PLEKHA1: variants seen among roughly 807,000 people sequenced by gnomAD.
The protein encoded by PLEKHA1 is pleckstrin homology domain containing A1.
In PLEKHA1, 34 loss-of-function variants were observed where a neutral mutation model predicts 52.0. That is an observed-to-expected ratio of 0.65 (90% CI 0.50 to 0.87). The LOEUF (loss-of-function observed/expected upper bound fraction) is 0.87, where lower values mean the gene tolerates loss of function less well. PLEKHA1 is among the 40% of genes least tolerant of loss of function. The pLI is 0.00. For missense variants in PLEKHA1, 497 were observed against 504.2 expected, an observed-to-expected ratio of 0.99 and a Z score of 0.14; for synonymous variants, 163 against 170.7, an observed-to-expected ratio of 0.95 and a Z score of 0.35.
At chr10:122,442,050 G>A in the PLEKHA1 span, 1 of 152,184 alleles carries the variant, frequency 6.6e-6, no homozygotes, top group African/African-American at 2.4e-5. Flanking sequence ...ACAACCCTTC[G>A]AGTGTAATTC....
chr10:122,413,167 TTTTG>T (rs535180581), intron 6 of PLEKHA1, 122 bp downstream of exon 6: 31 of 879,826 alleles, frequency 3.5e-5, no homozygotes, highest in East Asian at 6.3e-5. Context: ...TATAAAATAT[TTTTG>T]TTTATTTCAA....
intron 11 of PLEKHA1, among the ~76,000 whole-genome samples, chr10:122,428,759 T>G (rs935164798): frequency 6.6e-6 from 1 of 152,194 alleles, no homozygotes; most frequent in Non-Finnish European, 1.5e-5. Context: ...TCTCTGAAAT[T>G]TAGCCATCTA....
At chr10:122,391,743 T>G (rs1377557103) in intron 1 of PLEKHA1, among the ~76,000 whole-genome samples, 1 of 152,156 alleles carries the variant, frequency 6.6e-6, no homozygotes, top group Non-Finnish European at 1.5e-5. Flanking sequence ...GTAAACTTTT[T>G]TTTTTTTACA....
intron 1 of PLEKHA1, among the ~76,000 whole-genome samples, chr10:122,377,762 G>A (rs1490117957): frequency 6.6e-6 from 1 of 152,136 alleles, no homozygotes; most frequent in Non-Finnish European, 1.5e-5. Context: ...TAAGGGATAT[G>A]TGAGTTTGTG....
At chr10:122,412,798 A>C in intron 5 of PLEKHA1, 122 bp from the exon 6 acceptor site, 1 of 1,052,584 alleles carries the variant, frequency 9.5e-7, no homozygotes, top group Non-Finnish European at 1.4e-6. Context: ...TACATGGACT[A>C]TAATTTTTAT....
At chr10:122,423,053 G>C (rs1446027130) in intron 8 of PLEKHA1, 2 of 151,534 alleles carry the variant, frequency 1.3e-5, no homozygotes, top group Admixed American at 1.3e-4. Context: ...CTCTTATTAA[G>C]TGTGAAATTA....
chr10:122,383,398 C>T (rs1205140975), intron 1 of PLEKHA1, among the ~76,000 whole-genome samples: 1 of 147,776 alleles, frequency 6.8e-6, no homozygotes, highest in Non-Finnish European at 1.5e-5. Context: ...TAGCTTACTG[C>T]AGACTCAATC....
At chr10:122,402,864 A>G (rs1468398832) in intron 4 of PLEKHA1, among the ~76,000 whole-genome samples, 3 of 152,220 alleles carry the variant, frequency 2.0e-5, no homozygotes, top group Non-Finnish European at 2.9e-5. Flanking sequence ...GAAAGTCTGC[A>G]CAATCAGTGC....
In PLEKHA1 at chr10:122,415,997, G is replaced by A. The variant is rs1400158709; in HGVS notation, c.607G>A (p.Ala203Thr). The A allele has an allele frequency of 6.2e-7, 1 of 1,609,164 alleles. No homozygotes were observed. The highest frequency in any genetic ancestry group is 8.5e-7 in the Non-Finnish European group (1 of 1,178,310). The change falls in exon 7 of 12, where the codon GCA (alanine) becomes ACA (threonine). Residue 203 changes from alanine (A) to threonine (T), a missense_variant. Transcript: ENST00000368990. Reference sequence around the variant, plus strand: ...AGCTGGATATTGTGTAAAACAAGGAGCAGTGGTGAGTAGCTTAACAAAATA... The same window carrying A: ...AGCTGGATATTGTGTAAAACAAGGAACAGTGGTGAGTAGCTTAACAAAATA... Reference protein sequence around the residue: ...IKAGYCVKQGAVMKNWKRRYF... With the variant: ...IKAGYCVKQGTVMKNWKRRYF...
chr10:122,379,972 T>A (rs1216613955), intron 1 of PLEKHA1, among the ~76,000 whole-genome samples: 1 of 152,126 alleles, frequency 6.6e-6, no homozygotes, highest in Non-Finnish European at 1.5e-5. Context: ...TACCTTAGAG[T>A]ATGAGTAAAG....
chr10:122,408,320 T>C (rs2134536317), intron 5 of PLEKHA1, among the ~76,000 whole-genome samples: 1 of 152,298 alleles, frequency 6.6e-6, no homozygotes, highest in African/African-American at 2.4e-5. Context: ...GATTTATCAA[T>C]GGTATGAAAC....
chr10:122,405,944 C>T (rs1210070388), intron 4 of PLEKHA1, among the ~76,000 whole-genome samples: 1 of 152,130 alleles, frequency 6.6e-6, no homozygotes, highest in African/African-American at 2.4e-5. Flanking sequence ...ACCTTACAGT[C>T]TCTCATCAGT....
chr10:122,411,316 T>G (rs2097103769), intron 5 of PLEKHA1, among the ~76,000 whole-genome samples: 1 of 152,170 alleles, frequency 6.6e-6, no homozygotes, highest in Admixed American at 6.5e-5. Flanking sequence ...AGAAGTCACT[T>G]AAGAGACAAG....
downstream of PLEKHA1, chr10:122,433,234 C>T (rs2097426407): frequency 1.3e-5 from 2 of 152,202 alleles, no homozygotes; most frequent in Admixed American, 6.5e-5. Flanking sequence ...TAGACATCTT[C>T]ATCTGTTGCC....
chr10:122,438,331 A>G, the PLEKHA1 span: 3 of 152,216 alleles, frequency 2.0e-5, no homozygotes, highest in African/African-American at 7.2e-5. Flanking sequence ...GAAAAGAAAG[A>G]TTGATGATGT....
chr10:122,402,892 A>T (rs1176759646), intron 4 of PLEKHA1, among the ~76,000 whole-genome samples: 1 of 152,234 alleles, frequency 6.6e-6, no homozygotes, highest in East Asian at 1.9e-4. Context: ...GCCCCAGAGC[A>T]CTGGGCAGCC....
rs1365474460 is a variant in PLEKHA1 at position 122,392,739 on chromosome 10, T to C, written c.-20-442T>C. The stretch of plus-strand genomic sequence containing the variant: ...TTAGAAGATTAAAAGAGTTAACATA[T>C]GGAAAAGAACCTTGTACAGAGCCTA... On this transcript the variant is annotated intron_variant, in intron 1 of 11. Transcript: ENST00000368990. 2.6e-5 allele frequency among the ~76,000 whole-genome samples: 4 copies of C among 152,276 alleles called. No individual in the cohort carries two copies. In the East Asian group the frequency reaches 7.7e-4, roughly 29 times the overall value.
intron 1 of PLEKHA1, among the ~76,000 whole-genome samples, chr10:122,375,206 C>T (rs552963985): frequency 6.6e-6 from 1 of 152,058 alleles, no homozygotes; most frequent in African/African-American, 2.4e-5. Flanking sequence ...CGAGAAATCC[C>T]GCTCGGGGCG....
In PLEKHA1 at chr10:122,431,424, A is replaced by G. The variant is rs2097416146; in HGVS notation, c.*1486A>G. The G allele has an allele frequency of 6.6e-6, 1 of 152,652 alleles. No individual in the cohort carries two copies. Among genetic ancestry groups the G allele is most frequent in the African/African-American group, 2.4e-5 (1 of 41,464 alleles). The allele number at this position is 152,652 out of a possible 1,614,324, so 9.5% of individuals were successfully genotyped here. ...CGTGAGCCACCATGCCCGGCCCATA[A>G]GTACCGTTTTTGAGGTTCAGTCTTA... On this transcript the variant is annotated 3_prime_UTR_variant, in exon 12 of 12. Transcript: ENST00000368990.
Sources: allele counts gnomAD v4.1 joint callset (sites outside exome capture counted in the v4.1 genomes callset), GRCh38; gene constraint gnomAD v4.1.1; transcripts MANE v1.5; gene names NCBI Gene and HGNC (gene_info 2026-07-23, HGNC 2026-07-21).